Variants in ZFYVE19 observed in about 807,000 individuals in gnomAD.
ZFYVE19 encodes the protein abscission/NoCut checkpoint regulator.
A neutral mutation model predicts 62.8 loss-of-function variants in ZFYVE19; 49 were observed. That is an observed-to-expected ratio of 0.78 (90% CI 0.62 to 0.99). The LOEUF is 0.99. Ranked by LOEUF, ZFYVE19 falls within the 50% of genes least tolerant of loss-of-function variation. ZFYVE19 has a pLI of 0.00. For missense variants in ZFYVE19, 630 were observed against 601.9 expected, an observed-to-expected ratio of 1.05 and a Z score of -0.49; for synonymous variants, 242 against 234.3, an observed-to-expected ratio of 1.03 and a Z score of -0.30.
chr15:40,810,867 C>T (rs750443823), intron 6 of ZFYVE19, 110 bp downstream of exon 6: 9 of 1,386,616 alleles, frequency 6.5e-6, no homozygotes, highest in East Asian at 2.6e-5. Flanking sequence ...GAGTGATCAA[C>T]GTTATAAGAG....
intron 1 of ZFYVE19, 111 bp from the exon 2 acceptor site, chr15:40,809,008 A>G (rs1890383203): frequency 2.6e-6 from 4 of 1,513,596 alleles, no homozygotes; most frequent in Non-Finnish European, 3.6e-6. Flanking sequence ...TCTTCCTCCC[A>G]GCAGCTGGTC....
intron 3 of ZFYVE19, 131 bp from the exon 4 acceptor site, chr15:40,809,721 C>A: frequency 9.6e-7 from 1 of 1,042,298 alleles, no homozygotes; most frequent in Non-Finnish European, 1.4e-6. Flanking sequence ...GAGTGAGGGG[C>A]ACAGCAGATT....
In ZFYVE19 at chr15:40,808,903, A is replaced by C. The variant is rs1890377845; in HGVS notation, c.280-216A>C. 2.2e-5 allele frequency: 12 copies of C among 541,384 alleles called. No homozygotes were observed. In the South Asian group the frequency reaches 2.6e-4, roughly 12 times the overall value. The allele number at this position is 541,384 out of a possible 1,614,324, so 33.5% of individuals were successfully genotyped here. A position where few individuals can be genotyped will look rare whatever the true frequency, so the allele number is the denominator to read the frequency against. On this transcript the variant is annotated intron_variant, in intron 1 of 10. Transcript: ENST00000355341. ...TGAAGACAGGGTAGAAAGCATGGGA[A>C]TTTTGTATAAACCTTCATTTGGCTT...
At position 40,813,372 on chromosome 15, in the gene ZFYVE19, T is replaced by G. The variant is rs1425874311; in HGVS notation, c.1065T>G (p.Asp355Glu). Residue 355 changes from aspartate (D) to glutamate (E), a missense_variant, in exon 8 of 11, where the codon GAT becomes GAG. Transcript: ENST00000355341. ...TLQDYRLPDS[D>E]DDEDEETAIQ... ...AGGACTATCGCCTCCCAGACAGTGA[T>G]GACGACGAGGATGAGGAGACAGCCA... 2.5e-6 allele frequency: 4 copies of G among 1,612,606 alleles called. No individual in the cohort carries two copies. The African/African-American group carries it at 5.3e-5, about 22-fold the overall frequency.
chr15:40,813,642 C>A, intron 8 of ZFYVE19, 71 bp from the exon 9 acceptor site: 1 of 1,423,476 alleles, frequency 7.0e-7, no homozygotes, highest in Non-Finnish European at 9.7e-7. Context: ...GTCCACAGTG[C>A]ACAGAAATAC....
chr15:40,809,316 C>T (rs1890401652), intron 2 of ZFYVE19, 76 bp downstream of exon 2: 6 of 1,613,516 alleles, frequency 3.7e-6, no homozygotes, highest in Non-Finnish European at 5.1e-6. Flanking sequence ...GCTTTGTACT[C>T]TGTCGCGAGA....
Position 40,812,727 on chromosome 15 carries a change from G to C in ZFYVE19, c.855G>C (p.Gln285His). The C allele has an allele frequency of 6.2e-7, 1 of 1,609,684 alleles. No individual in the cohort carries two copies. Among genetic ancestry groups the C allele is most frequent in the Non-Finnish European group, 8.5e-7 (1 of 1,179,992 alleles). Residue 285 changes from glutamine to histidine, a missense_variant, in exon 7 of 11, where the codon CAG (glutamine) becomes CAC (histidine). Physicochemically the swap from Gln to His is conservative, Grantham distance 24 (BLOSUM62 0). Transcript: ENST00000355341. ...CCTCTCTCCAGAATGATCTCAACCA[G>C]GGTGGCCCAGGGAGCACTAATTCCA... Reference protein sequence around the residue: ...PAASLQNDLNQGGPGSTNSKR... With the variant: ...PAASLQNDLNHGGPGSTNSKR...
At position 40,807,317 on chromosome 15, in the gene ZFYVE19, A is replaced by G; in HGVS notation, c.-273A>G. 1.2e-6 allele frequency: 2 copies of G among 1,614,184 alleles called. No individual in the cohort carries two copies. The highest frequency in any genetic ancestry group is 1.7e-6 in the Non-Finnish European group (2 of 1,180,010). On this transcript the variant is annotated 5_prime_UTR_variant, in exon 1 of 11. Coordinates refer to ENST00000355341, the MANE Select transcript of ZFYVE19 (RefSeq NM_001077268.2). ...CCAGCAGTGGCCGAGGCGCTAGGAC[A>G]GGAAGGACCGCCAGACCTCTCAAGA...
rs977453315 is a variant in ZFYVE19, at chr15:40,807,626, C to T, written c.37C>T (p.Leu13=). The T allele has an allele frequency of 5.6e-6, 9 of 1,613,076 alleles. No individual in the cohort carries two copies. Among genetic ancestry groups the T allele is most frequent in the Non-Finnish European group, 6.8e-6 (8 of 1,179,766 alleles). ...CTCCCAGCAGCCCCCGTTGCCGCCG[C>T]TGCCGTACGCTGGCTGCAGGAGAGC... is the stretch of plus-strand genomic sequence containing the variant. ...YDSQQPPLPP[L]PYAGCRRASG... Residue 13 remains leucine, a synonymous_variant, in exon 1 of 11, where the codon CTG becomes TTG. Coordinates refer to ENST00000355341, the MANE Select transcript of ZFYVE19 (RefSeq NM_001077268.2).
At chr15:40,813,279 C>G in intron 7 of ZFYVE19, 59 bp from the exon 8 acceptor site, 1 of 1,532,940 alleles carries the variant, frequency 6.5e-7, no homozygotes, top group Non-Finnish European at 9.0e-7. Flanking sequence ...GGCAGCCACT[C>G]ATGTGAAATC....
intron 9 of ZFYVE19, 43 bp from the exon 10 acceptor site, chr15:40,813,900 C>T (rs1448928161): frequency 3.5e-5 from 55 of 1,592,482 alleles, no homozygotes; most frequent in Non-Finnish European, 4.6e-5. Flanking sequence ...TCACATACCC[C>T]ACTGGGTACC....
rs1890614841 is a variant in ZFYVE19, at chr15:40,814,690, C to T, written c.*464C>T. 5.4e-6 allele frequency: 1 copy of T among 184,866 alleles called. No homozygotes were observed. Among genetic ancestry groups the T allele is most frequent in the Admixed American group, 5.4e-5 (1 of 18,544 alleles). The allele number at this position is 184,866 out of a possible 1,614,324, so 11.5% of individuals were successfully genotyped here. ...AAAGGTTGAGCCATCCTATGAACTT[C>T]TCCAGGCAGGAACAGCCCTACCCAT... On this transcript the variant is annotated 3_prime_UTR_variant, in exon 11 of 11. Coordinates refer to ENST00000355341, the MANE Select transcript of ZFYVE19 (RefSeq NM_001077268.2).
chr15:40,813,985 C>A lies in ZFYVE19; in HGVS notation c.1252C>A (p.Leu418Ile). ...CAGGCCTGAGGCTGAGGAAGAGGAG[C>A]TCCCCTGGTGCTGCATCTGCAATGA... ...DPRPEAEEEE[L>I]PWCCICNEDA... The change falls in exon 10 of 11, where the codon CTC (leucine) becomes ATC (isoleucine). Residue 418 changes from leucine to isoleucine, a missense_variant. Coordinates refer to ENST00000355341, the MANE Select transcript of ZFYVE19 (RefSeq NM_001077268.2). The A allele has an allele frequency of 6.2e-7, 1 of 1,613,486 alleles. No individual in the cohort carries two copies. Among genetic ancestry groups the A allele is most frequent in the Non-Finnish European group, 8.5e-7 (1 of 1,179,678 alleles).
In ZFYVE19 at chr15:40,807,420, C is replaced by T. The variant is rs895928736; in HGVS notation, c.-170C>T. On this transcript the variant is annotated 5_prime_UTR_variant, in exon 1 of 11. Transcript: ENST00000355341. ...TGCCTAGCAGCGCGTACAGGTCCAT[C>T]TGTAAGAGCTCCTTGGTCACTGCCA... 6.2e-7 allele frequency: 1 copy of T among 1,614,268 alleles called. No individual in the cohort carries two copies. Among genetic ancestry groups the T allele is most frequent in the Non-Finnish European group, 8.5e-7 (1 of 1,180,050 alleles).
chr15:40,807,582 A>T lies in ZFYVE19; in HGVS notation c.-8A>T. The T allele has an allele frequency of 6.2e-7, 1 of 1,610,402 alleles. No individual in the cohort carries two copies. Among genetic ancestry groups the T allele is most frequent in the African/African-American group, 1.3e-5 (1 of 75,028 alleles). ...TTGACTGACTCTGAGGGAGGCCGGC[A>T]GTCGTGAATGAACTACGACTCCCAG... On this transcript the variant is annotated 5_prime_UTR_variant, in exon 1 of 11. Coordinates refer to ENST00000355341, the MANE Select transcript of ZFYVE19 (RefSeq NM_001077268.2).
chr15:40,813,007 C>G, intron 7 of ZFYVE19, 105 bp downstream of exon 7: 1 of 1,308,064 alleles, frequency 7.6e-7, no homozygotes, highest in Admixed American at 2.0e-5. Context: ...TCTACTGAGC[C>G]CAGCCCAGAG....
intron 6 of ZFYVE19, among the ~76,000 whole-genome samples, chr15:40,811,274 G>T (rs143133100): frequency 6.6e-6 from 1 of 152,352 alleles, no homozygotes; most frequent in East Asian, 1.9e-4. Flanking sequence ...TATAGAACAT[G>T]ATATGGAATG....
intron 8 of ZFYVE19, 55 bp downstream of exon 8, chr15:40,813,472 C>T (rs1201193022): frequency 1.6e-5 from 25 of 1,516,512 alleles, no homozygotes; most frequent in Non-Finnish European, 2.1e-5. Flanking sequence ...CTCATTGCCC[C>T]ACCTCTACTC....
intron 7 of ZFYVE19, 44 bp from the exon 8 acceptor site, chr15:40,813,292 TCA>T: frequency 1.9e-6 from 3 of 1,580,024 alleles, no homozygotes; most frequent in Non-Finnish European, 2.6e-6. Context: ...GTGAAATCTC[TCA>T]CTCTCACTCC....
Sources: allele counts gnomAD v4.1 joint callset (sites outside exome capture counted in the v4.1 genomes callset), GRCh38; gene constraint gnomAD v4.1.1; transcripts MANE v1.5; gene names NCBI Gene and HGNC (gene_info 2026-07-23, HGNC 2026-07-21).